Variants in NELL1 observed in about 807,000 individuals in gnomAD.
NELL1 encodes the protein neural EGFL like 1, also known as protein kinase C-binding protein NELL1.
NELL1 carries 76 observed loss-of-function variants against 107.4 expected under a neutral mutation model. That is an observed-to-expected ratio of 0.71 (90% CI 0.59 to 0.86). The LOEUF (loss-of-function observed/expected upper bound fraction) is 0.86, where lower values mean the gene tolerates loss of function less well. Among genes scored for constraint, NELL1 ranks in the 40% least tolerant of loss-of-function variants. The pLI is 0.00. For synonymous variants in NELL1, 353 were observed against 341.2 expected (o/e 1.03, Z -0.38); for missense variants, 1,024 against 1,005.5 (o/e 1.02, Z -0.25).
rs1159428828 is a variant in NELL1, at chr11:21,373,912, T to C, written c.1645+2964T>C. On this transcript the variant is annotated intron_variant, in intron 15 of 19. Transcript: ENST00000357134. ...TGAAGAATCAGTAAGAGGAGTAGTT[T>C]TGCCACTCTTAGGATGGAAAAGGGC... 2.0e-5 allele frequency among the ~76,000 whole-genome samples: 3 copies of C among 152,080 alleles called. No individual in the cohort carries two copies. In the East Asian group the frequency reaches 5.8e-4, roughly 29 times the overall value.
At chr11:20,943,614 T>C (rs1233931824) in intron 10 of NELL1, among the ~76,000 whole-genome samples, 1 of 151,884 alleles carries the variant, frequency 6.6e-6, no homozygotes, top group African/African-American at 2.4e-5. Flanking sequence ...AAAAACCATA[T>C]TTATCTCACT....
At chr11:21,491,822 A>G (rs1345086513) in intron 15 of NELL1, among the ~76,000 whole-genome samples, 1 of 152,016 alleles carries the variant, frequency 6.6e-6, no homozygotes. Context: ...GATTCTTCCT[A>G]CCCATGAGCA....
chr11:21,158,043 T>G (rs1856282667), intron 13 of NELL1, among the ~76,000 whole-genome samples: 1 of 152,112 alleles, frequency 6.6e-6, no homozygotes, highest in Non-Finnish European at 1.5e-5. Context: ...CCAGTGTGGC[T>G]AGGATAAAAG....
chr11:21,222,146 TG>T (rs1402545096), intron 13 of NELL1, among the ~76,000 whole-genome samples: 5 of 152,162 alleles, frequency 3.3e-5, no homozygotes, highest in Non-Finnish European at 7.4e-5. Context: ...ACAAGCTTTT[TG>T]TTTCTTTGAT....
At chr11:20,934,774 A>G (rs1200419239) in intron 9 of NELL1, among the ~76,000 whole-genome samples, 1 of 152,246 alleles carries the variant, frequency 6.6e-6, no homozygotes, top group Non-Finnish European at 1.5e-5. Flanking sequence ...CAGGAATTCC[A>G]GACCTTGGAG....
chr11:21,381,754 T>C (rs1851613184), intron 15 of NELL1, among the ~76,000 whole-genome samples: 1 of 151,856 alleles, frequency 6.6e-6, no homozygotes, highest in Non-Finnish European at 1.5e-5. Flanking sequence ...TCCAGCTCTA[T>C]TCTCTCTGTT....
chr11:21,548,347 A>C (rs1856492964), intron 16 of NELL1, among the ~76,000 whole-genome samples: 1 of 151,940 alleles, frequency 6.6e-6, no homozygotes, highest in African/African-American at 2.4e-5. Context: ...GTTTGTTTTC[A>C]CACTGCTGAT....
intron 2 of NELL1, among the ~76,000 whole-genome samples, chr11:20,765,592 G>A (rs555853410): frequency 4.3e-4 from 65 of 152,248 alleles, no homozygotes; most frequent in African/African-American, 1.6e-3. Context: ...TGGAGTGGGC[G>A]AAAGTGTGTT....
intron 13 of NELL1, among the ~76,000 whole-genome samples, chr11:21,130,602 C>A (rs1488613216): frequency 6.6e-6 from 1 of 152,138 alleles, no homozygotes; most frequent in African/African-American, 2.4e-5. Context: ...TTGAAAGAGG[C>A]TTGCTTTTTT....
chr11:21,316,627 C>T (rs2133657347), intron 14 of NELL1, among the ~76,000 whole-genome samples: 1 of 152,298 alleles, frequency 6.6e-6, no homozygotes, highest in Non-Finnish European at 1.5e-5. Context: ...AGTGCCCCCT[C>T]TGATCCTGGG....
At chr11:21,010,661 A>G (rs1466310993) in intron 12 of NELL1, among the ~76,000 whole-genome samples, 1 of 152,154 alleles carries the variant, frequency 6.6e-6, no homozygotes, top group Non-Finnish European at 1.5e-5. Context: ...GCCTAGAACT[A>G]TACACCTTAA....
intron 12 of NELL1, chr11:21,000,781 TGG>T (rs1304847453): frequency 6.6e-6 from 1 of 152,212 alleles, no homozygotes; most frequent in African/African-American, 2.4e-5. Context: ...TTCTGTCCCA[TGG>T]GTGGAAGCCC....
intron 12 of NELL1, among the ~76,000 whole-genome samples, chr11:20,981,121 G>C (rs1417430209): frequency 6.6e-6 from 1 of 152,164 alleles, no homozygotes; most frequent in Non-Finnish European, 1.5e-5. Flanking sequence ...CAGCTAAACT[G>C]TGACAGCTGT....
chr11:20,831,395 G>A (rs1204555236), intron 3 of NELL1, among the ~76,000 whole-genome samples: 1 of 152,102 alleles, frequency 6.6e-6, no homozygotes, highest in Non-Finnish European at 1.5e-5. Context: ...TGTTTACAAT[G>A]GCTCTGCCTT....
At chr11:21,528,358 C>T (rs78044644) in intron 15 of NELL1, among the ~76,000 whole-genome samples, 1,851 of 152,160 alleles carry the variant, frequency 0.012, 41 homozygotes, top group East Asian at 0.077. Context: ...GTGTTTGGGT[C>T]ATGGAGGCAT....
At chr11:20,982,332 G>A (rs1851766967) in intron 12 of NELL1, among the ~76,000 whole-genome samples, 1 of 152,160 alleles carries the variant, frequency 6.6e-6, no homozygotes, top group Non-Finnish European at 1.5e-5. Context: ...TTATGGGTAG[G>A]AAAAACCAAT....
intron 12 of NELL1, among the ~76,000 whole-genome samples, chr11:21,097,302 C>T (rs185665099): frequency 6.6e-6 from 1 of 152,286 alleles, no homozygotes; most frequent in East Asian, 1.9e-4. Flanking sequence ...GAAGTAAAAC[C>T]AGCACTCAGG....
intron 4 of NELL1, among the ~76,000 whole-genome samples, chr11:20,872,671 G>GGT (rs61184129): frequency 0.16 from 22,330 of 136,902 alleles, 1,800 homozygotes; most frequent in East Asian, 0.21. Flanking sequence ...CAGTGTTTGA[G>GGT]GTGTGTGTGT....
intron 15 of NELL1, among the ~76,000 whole-genome samples, chr11:21,466,866 G>A (rs533993916): frequency 6.6e-6 from 1 of 151,920 alleles, no homozygotes; most frequent in Admixed American, 6.6e-5. Context: ...GGTCCTAGAT[G>A]CCTAGATGTT....
Sources: gnomAD v4.1 joint callset for allele counts (sites outside exome capture counted in the v4.1 genomes callset) on GRCh38, gnomAD v4.1.1 for gene constraint, MANE v1.5 for transcripts, NCBI Gene and HGNC (gene_info 2026-07-23, HGNC 2026-07-21) for gene names.